LRP1B: variants seen among roughly 807,000 people sequenced by gnomAD.
The protein encoded by LRP1B is low-density lipoprotein receptor-related protein 1B.
Under a neutral mutation model 556.6 loss-of-function variants are expected in LRP1B, and 217 were observed. The observed-to-expected ratio is 0.39, with a 90% CI of 0.35 to 0.44. The LOEUF is 0.44. LRP1B is among the 20% of genes least tolerant of loss of function. LRP1B has a pLI of 1.00. For synonymous variants in LRP1B, 2,047 were observed against 1,865.8 expected, an observed-to-expected ratio of 1.10 and a Z score of -2.50; for missense variants, 5,053 against 5,620.8, an observed-to-expected ratio of 0.90 and a Z score of 3.23.
At chr2:140,608,983 T>C (rs1480507832) in intron 41 of LRP1B, among the ~76,000 whole-genome samples, 4 of 152,206 alleles carry the variant, frequency 2.6e-5, no homozygotes, top group Non-Finnish European at 5.9e-5. Flanking sequence ...TTCATGTCAC[T>C]ACTACTGGAA....
chr2:140,636,646 T>C (rs747535263), intron 41 of LRP1B, among the ~76,000 whole-genome samples: 1 of 152,190 alleles, frequency 6.6e-6, no homozygotes, highest in Non-Finnish European at 1.5e-5. Flanking sequence ...TCATCATTTA[T>C]AATAATGTTA....
intron 35 of LRP1B, among the ~76,000 whole-genome samples, chr2:140,768,941 G>C (rs1423974138): frequency 6.6e-6 from 1 of 151,718 alleles, no homozygotes; most frequent in Non-Finnish European, 1.5e-5. Flanking sequence ...ATAAAAAAGA[G>C]AGAGAAATAA....
chr2:141,978,776 C>T (rs1701961336), intron 1 of LRP1B, among the ~76,000 whole-genome samples: 1 of 152,024 alleles, frequency 6.6e-6, no homozygotes, highest in South Asian at 2.1e-4. Context: ...CTTATTTGAT[C>T]CAGAACTGTC....
At chr2:141,820,155 C>G (rs1332087410) in intron 1 of LRP1B, among the ~76,000 whole-genome samples, 1 of 152,150 alleles carries the variant, frequency 6.6e-6, no homozygotes, top group African/African-American at 2.4e-5. Flanking sequence ...GTGTTACCCT[C>G]CAGAGTCTCT....
intron 6 of LRP1B, among the ~76,000 whole-genome samples, chr2:141,203,218 T>C (rs1427524722): frequency 3.3e-5 from 5 of 152,136 alleles, no homozygotes; most frequent in Admixed American, 6.5e-5. Context: ...ACAGGTTATA[T>C]GCCCCAATTA....
At chr2:140,727,183 G>T (rs1210294987) in intron 35 of LRP1B, among the ~76,000 whole-genome samples, 7 of 152,136 alleles carry the variant, frequency 4.6e-5, no homozygotes, top group African/African-American at 1.7e-4. Context: ...CTCTTTTTGA[G>T]TAGATTGTGC....
rs2105000629 is a variant in LRP1B, at chr2:140,297,851, G to A, written c.12924C>T (p.Tyr4308=). Residue 4308 remains tyrosine (Y), a synonymous_variant, in exon 84 of 91, where the codon TAC becomes TAT. Coordinates refer to ENST00000389484, the MANE Select transcript of LRP1B (RefSeq NM_018557.3). Reference sequence around the variant, plus strand: ...CGGTGTATTCCGGCTGGCAGTGGCAGTAAGGCTGGTTTCCAGCAGTCACAA... The same window carrying A: ...CGGTGTATTCCGGCTGGCAGTGGCAATAAGGCTGGTTTCCAGCAGTCACAA... ...TCIVTAGNQP[Y]CHCQPEYTGD... 3 of 1,613,944 alleles carry A rather than the reference G, an allele frequency of 1.9e-6. No individual in the cohort carries two copies. The highest frequency in any genetic ancestry group is 2.2e-5 in the South Asian group (2 of 91,052).
At chr2:141,379,688 G>T (rs1689567339) in intron 3 of LRP1B, among the ~76,000 whole-genome samples, 1 of 152,048 alleles carries the variant, frequency 6.6e-6, no homozygotes, top group African/African-American at 2.4e-5. Flanking sequence ...CTACTTATGG[G>T]ACTGGATTCT....
At chr2:140,868,383 G>A (rs1386806282) in intron 25 of LRP1B, 120 bp from the exon 26 acceptor site, 1 of 891,322 alleles carries the variant, frequency 1.1e-6, no homozygotes, top group Non-Finnish European at 1.6e-6. Flanking sequence ...AAGAGAAACA[G>A]ATGTATTATC....
At chr2:140,925,124 A>G (rs1322895266) in intron 20 of LRP1B, among the ~76,000 whole-genome samples, 1 of 152,142 alleles carries the variant, frequency 6.6e-6, no homozygotes, top group Non-Finnish European at 1.5e-5. Context: ...CATAGGTTAT[A>G]TGCAAGCACT....
chr2:141,740,224 T>G (rs1693645996), intron 2 of LRP1B, among the ~76,000 whole-genome samples: 1 of 152,136 alleles, frequency 6.6e-6, no homozygotes, highest in Non-Finnish European at 1.5e-5. Flanking sequence ...TAAATTCTCC[T>G]GTGTAATCTT....
intron 3 of LRP1B, among the ~76,000 whole-genome samples, chr2:141,415,641 CTTCTT>C (rs1193178947): frequency 6.6e-6 from 1 of 152,142 alleles, no homozygotes; most frequent in African/African-American, 2.4e-5. Flanking sequence ...CTTTGATTCT[CTTCTT>C]AAGTATTACA....
At chr2:141,176,939 T>C (rs1411975399) in intron 7 of LRP1B, among the ~76,000 whole-genome samples, 1 of 152,086 alleles carries the variant, frequency 6.6e-6, no homozygotes, top group Non-Finnish European at 1.5e-5. Context: ...CAGACATCTG[T>C]CAATCAGAAA....
At position 140,773,169 on chromosome 2, in the gene LRP1B, A is replaced by G. The variant is rs544464030; in HGVS notation, c.5501-2163T>C. 2.6e-5 allele frequency among the ~76,000 whole-genome samples: 4 copies of G among 152,320 alleles called. No individual in the cohort carries two copies. The South Asian group carries it at 8.3e-4, about 32-fold the overall frequency. ...TAGGAAAGACCATGTACTTGTAAAAATAAGAGAATGTGGCTAGGGGCGCGG... is the reference window on the plus strand; with the variant it reads ...TAGGAAAGACCATGTACTTGTAAAAGTAAGAGAATGTGGCTAGGGGCGCGG... On this transcript the variant is annotated intron_variant, in intron 33 of 90. Transcript: ENST00000389484.
intron 2 of LRP1B, among the ~76,000 whole-genome samples, chr2:141,695,167 CA>C (rs1691690421): frequency 1.3e-5 from 2 of 151,920 alleles, no homozygotes; most frequent in Admixed American, 6.6e-5. Context: ...TAATTGTCTA[CA>C]GCTGCTGTAT....
chr2:140,406,974 G>C (rs1367485135), intron 66 of LRP1B, among the ~76,000 whole-genome samples: 1 of 152,076 alleles, frequency 6.6e-6, no homozygotes, highest in East Asian at 1.9e-4. Context: ...AAAACAGCAT[G>C]GTGCTGGTAT....
chr2:141,919,913 T>C (rs555825593), intron 1 of LRP1B, among the ~76,000 whole-genome samples: 5 of 152,060 alleles, frequency 3.3e-5, no homozygotes, highest in African/African-American at 1.2e-4. Flanking sequence ...AATAGAGAAA[T>C]GTCAAAGAAA....
At chr2:140,464,540 T>G (rs542034087) in intron 60 of LRP1B, among the ~76,000 whole-genome samples, 1 of 152,200 alleles carries the variant, frequency 6.6e-6, no homozygotes, top group Non-Finnish European at 1.5e-5. Flanking sequence ...AGTACACTTG[T>G]TTTGAAAACA....
In LRP1B at chr2:140,572,503, G is replaced by A. The variant is rs574207371; in HGVS notation, c.7194+26128C>T. Among the ~76,000 whole-genome samples the A allele has an allele frequency of 2.0e-5, 3 of 151,410 alleles. No homozygotes were observed. The South Asian group carries it at 6.2e-4, about 31-fold the overall frequency. On this transcript the variant is annotated intron_variant, in intron 43 of 90. Coordinates refer to ENST00000389484, the MANE Select transcript of LRP1B (RefSeq NM_018557.3). ...CAAAAAGACAAAAAATAACAAATGT[G>A]TGGAAAGGGGGACTCATATACTGTT... is the stretch of plus-strand genomic sequence containing the variant.
Sources: gnomAD v4.1 joint callset for allele counts (sites outside exome capture counted in the v4.1 genomes callset) on GRCh38, gnomAD v4.1.1 for gene constraint, MANE v1.5 for transcripts, NCBI Gene and HGNC (gene_info 2026-07-23, HGNC 2026-07-21) for gene names.